Variants in SLC25A21 observed in about 807,000 individuals in gnomAD.
SLC25A21 encodes the protein mitochondrial 2-oxodicarboxylate carrier.
SLC25A21 carries 47 observed loss-of-function variants against 43.8 expected under a neutral mutation model. The ratio of observed to expected loss-of-function variants is 1.07; its 90% CI spans 0.85 to 1.37. SLC25A21 has a LOEUF of 1.37. Among genes scored for constraint, SLC25A21 ranks in the 40% most tolerant of loss-of-function variants. The probability of loss-of-function intolerance (pLI) is 0.00; values close to 1 mark genes in which losing one functional copy is unlikely to be tolerated. For synonymous variants in SLC25A21, 131 were observed against 121.3 expected, an observed-to-expected ratio of 1.08 and a Z score of -0.52; for missense variants, 352 against 350.2, an observed-to-expected ratio of 1.00 and a Z score of -0.04.
At chr14:36,785,056 A>C (rs1462626157) in intron 3 of SLC25A21, among the ~76,000 whole-genome samples, 1 of 152,182 alleles carries the variant, frequency 6.6e-6, no homozygotes, top group Non-Finnish European at 1.5e-5. Context: ...GGTGGTAGCC[A>C]GGGGAAGACA....
At chr14:37,073,619 C>T (rs1188666735) in intron 1 of SLC25A21, among the ~76,000 whole-genome samples, 1 of 152,066 alleles carries the variant, frequency 6.6e-6, no homozygotes, top group Non-Finnish European at 1.5e-5. Context: ...CAACTGGGAC[C>T]CTAAGGGAAT....
intron 1 of SLC25A21, among the ~76,000 whole-genome samples, chr14:36,892,478 T>C (rs939789566): frequency 1.3e-5 from 2 of 151,996 alleles, no homozygotes; most frequent in Admixed American, 1.3e-4. Flanking sequence ...ATTTGCAACA[T>C]GGATGGTCTT....
At chr14:37,021,710 G>T (rs972986076) in intron 1 of SLC25A21, among the ~76,000 whole-genome samples, 1 of 151,914 alleles carries the variant, frequency 6.6e-6, no homozygotes, top group Non-Finnish European at 1.5e-5. Flanking sequence ...AGGAAGGAGA[G>T]TTTGGTATCA....
intron 2 of SLC25A21, among the ~76,000 whole-genome samples, chr14:36,873,225 A>G (rs1890423895): frequency 6.6e-6 from 1 of 152,148 alleles, no homozygotes; most frequent in Non-Finnish European, 1.5e-5. Context: ...TGTAATAAAG[A>G]TGGCCCAGGG....
At chr14:37,106,819 A>G (rs1962922733) in intron 1 of SLC25A21, among the ~76,000 whole-genome samples, 1 of 152,056 alleles carries the variant, frequency 6.6e-6, no homozygotes, top group Non-Finnish European at 1.5e-5. Context: ...ATGTGATATC[A>G]CCCCCGGCAG....
At position 37,020,218 on chromosome 14, in the gene SLC25A21, A is replaced by T. The variant is rs184211011; in HGVS notation, c.71-145214T>A. Among the ~76,000 whole-genome samples the T allele has an allele frequency of 6.7e-3, 1,025 of 152,050 alleles. 3 individuals are homozygous for T. Among genetic ancestry groups the T allele is most frequent in the Non-Finnish European group, 9.9e-3 (672 of 67,888 alleles). On this transcript the variant is annotated intron_variant, in intron 1 of 9. Coordinates refer to ENST00000331299, the MANE Select transcript of SLC25A21 (RefSeq NM_030631.4). ...CAGAGCTATTTGCCCTAAATAATAAAAAAAGTTTGAGGATTATAATCCATA... is the reference window on the plus strand; with the variant it reads ...CAGAGCTATTTGCCCTAAATAATAATAAAAGTTTGAGGATTATAATCCATA...
intron 2 of SLC25A21, among the ~76,000 whole-genome samples, chr14:36,859,585 T>C (rs1890005919): frequency 1.3e-5 from 2 of 152,128 alleles, no homozygotes; most frequent in African/African-American, 2.4e-5. Context: ...GAGGCTCAAC[T>C]ATCCTGGGTT....
chr14:36,793,646 C>T (rs1467760608), intron 3 of SLC25A21, among the ~76,000 whole-genome samples: 1 of 151,540 alleles, frequency 6.6e-6, no homozygotes, highest in African/African-American at 2.4e-5. Flanking sequence ...GTTAATGAAT[C>T]AAATGTTTTC....
At chr14:36,939,841 G>A (rs966197017) in intron 1 of SLC25A21, among the ~76,000 whole-genome samples, 1 of 152,142 alleles carries the variant, frequency 6.6e-6, no homozygotes, top group Non-Finnish European at 1.5e-5. Context: ...CTGAATGAAT[G>A]GAAAACATGC....
At chr14:36,863,690 A>T (rs567249269) in intron 2 of SLC25A21, among the ~76,000 whole-genome samples, 3 of 152,346 alleles carry the variant, frequency 2.0e-5, no homozygotes, top group African/African-American at 7.2e-5. Context: ...TATGGCAGCA[A>T]GATTCTTCTG....
chr14:36,728,485 A>T (rs1306556298), intron 5 of SLC25A21, among the ~76,000 whole-genome samples: 1 of 152,188 alleles, frequency 6.6e-6, no homozygotes, highest in Non-Finnish European at 1.5e-5. Context: ...AAAAGGAAAA[A>T]ATCCCAGCTA....
intron 1 of SLC25A21, among the ~76,000 whole-genome samples, chr14:36,939,720 A>G (rs1438012342): frequency 1.3e-5 from 2 of 152,138 alleles, no homozygotes. Context: ...AATGGCATAC[A>G]AACCATTCTA....
intron 1 of SLC25A21, among the ~76,000 whole-genome samples, chr14:37,117,897 G>A (rs936990254): frequency 5.3e-5 from 8 of 151,614 alleles, no homozygotes; most frequent in Admixed American, 2.6e-4. Flanking sequence ...TTGGTAGGAA[G>A]TCCAATCACT....
intron 4 of SLC25A21, among the ~76,000 whole-genome samples, chr14:36,733,959 G>T (rs1489234351): frequency 6.6e-6 from 1 of 152,154 alleles, no homozygotes; most frequent in East Asian, 1.9e-4. Flanking sequence ...GGTAGTGGAA[G>T]TAATAATTTT....
intron 2 of SLC25A21, among the ~76,000 whole-genome samples, chr14:36,845,623 A>G (rs1889518532): frequency 6.6e-6 from 1 of 152,246 alleles, no homozygotes; most frequent in Admixed American, 6.5e-5. Context: ...GAACTATTTC[A>G]AATACCATTT....
chr14:36,897,468 G>C (rs1326806733), intron 1 of SLC25A21, among the ~76,000 whole-genome samples: 1 of 151,926 alleles, frequency 6.6e-6, no homozygotes, highest in Non-Finnish European at 1.5e-5. Flanking sequence ...TAACTTCTTT[G>C]CCATGGGTTC....
intron 1 of SLC25A21, among the ~76,000 whole-genome samples, chr14:37,006,806 A>C (rs1960614593): frequency 6.6e-6 from 1 of 152,176 alleles, no homozygotes; most frequent in South Asian, 2.1e-4. Context: ...GGAGATTTAG[A>C]AGCACAGAAA....
chr14:36,728,496 G>T (rs1023791458), intron 5 of SLC25A21, among the ~76,000 whole-genome samples: 1 of 152,186 alleles, frequency 6.6e-6, no homozygotes, highest in Admixed American at 6.5e-5. Flanking sequence ...ATCCCAGCTA[G>T]TTTCGAGATT....
At chr14:36,867,933 G>GGA (rs1890259491) in intron 2 of SLC25A21, among the ~76,000 whole-genome samples, 1 of 151,922 alleles carries the variant, frequency 6.6e-6, no homozygotes, top group African/African-American at 2.4e-5. Context: ...GGTAATGAGT[G>GGA]GAGGAGTCAG....
Sources: gnomAD v4.1 joint callset for allele counts (sites outside exome capture counted in the v4.1 genomes callset) on GRCh38, gnomAD v4.1.1 for gene constraint, MANE v1.5 for transcripts, NCBI Gene and HGNC (gene_info 2026-07-23, HGNC 2026-07-21) for gene names.